The following ZNF148 variants were observed in gnomAD, a reference collection of about 807,000 sequenced individuals.
ZNF148 encodes zinc finger protein 148, also known as Beta-Enolase Repressor Factor-1.
ZNF148 carries 7 observed loss-of-function variants against 67.7 expected under a neutral mutation model. The ratio of observed to expected loss-of-function variants is 0.10; its 90% CI spans 0.06 to 0.19. The LOEUF is 0.19. Among genes scored for constraint, ZNF148 ranks in the 10% least tolerant of loss-of-function variants. The pLI is 1.00. For synonymous variants in ZNF148, 333 were observed against 330.7 expected (o/e 1.01, Z -0.08); for missense variants, 583 against 947.1 (o/e 0.62, Z 5.05).
chr3:125,274,300 C>G (rs1421525263), intron 7 of ZNF148, among the ~76,000 whole-genome samples: 8 of 152,284 alleles, frequency 5.3e-5, no homozygotes, highest in Admixed American at 5.2e-4. Flanking sequence ...ACATCCAAAA[C>G]ATCACCTAAA....
intron 2 of ZNF148, among the ~76,000 whole-genome samples, chr3:125,329,541 A>G (rs1236624295): frequency 1.3e-5 from 2 of 151,506 alleles, no homozygotes; most frequent in Non-Finnish European, 2.9e-5. Flanking sequence ...TATTTTTAGT[A>G]TAGCTGGGGT....
chr3:125,241,217 A>G (rs922220501), intron 7 of ZNF148, among the ~76,000 whole-genome samples: 1 of 152,140 alleles, frequency 6.6e-6, no homozygotes. Context: ...AAGAGTATAC[A>G]GGAAAATGTC....
chr3:125,240,932 T>C (rs907832487), intron 7 of ZNF148, among the ~76,000 whole-genome samples: 1 of 152,176 alleles, frequency 6.6e-6, no homozygotes, highest in Non-Finnish European at 1.5e-5. Context: ...CAAACATAAA[T>C]TCACCTTCCA....
chr3:125,272,096 C>T (rs745578305), intron 7 of ZNF148, among the ~76,000 whole-genome samples: 1 of 152,178 alleles, frequency 6.6e-6, no homozygotes, highest in African/African-American at 2.4e-5. Flanking sequence ...TCCCATGCAA[C>T]ACATGGATTA....
intron 3 of ZNF148, among the ~76,000 whole-genome samples, chr3:125,322,027 CT>C (rs35879999): frequency 3.3e-4 from 27 of 82,922 alleles, no homozygotes; most frequent in East Asian, 7.3e-4. Context: ...TAATCAACGG[CT>C]TTTTTTTTTT....
In ZNF148 at chr3:125,361,575, T is replaced by A. The variant is rs370163530; in HGVS notation, c.-234+13527A>T. Among the ~76,000 whole-genome samples the A allele has an allele frequency of 2.2e-4, 34 of 152,252 alleles. 1 individual carries two copies. Among genetic ancestry groups the A allele is most frequent in the African/African-American group, 7.9e-4 (33 of 41,550 alleles). ...GGCCGGGTGTGGTGGCTCACGTCTG[T>A]AATCCCAACACTTTAGGAGGCCAAA... is the stretch of plus-strand genomic sequence containing the variant. On this transcript the variant is annotated intron_variant, in intron 1 of 8. Transcript: ENST00000360647.
intron 7 of ZNF148, among the ~76,000 whole-genome samples, chr3:125,267,549 C>T (rs1347176920): frequency 6.6e-6 from 1 of 151,536 alleles, no homozygotes; most frequent in Non-Finnish European, 1.5e-5. Flanking sequence ...TAAAAACCCT[C>T]AAAAAACTAG....
At chr3:125,312,180 C>A (rs964259676) in intron 4 of ZNF148, among the ~76,000 whole-genome samples, 1 of 152,076 alleles carries the variant, frequency 6.6e-6, no homozygotes, top group Non-Finnish European at 1.5e-5. Context: ...ATGTAAAAAT[C>A]CTCAAAATAT....
At chr3:125,302,155 T>C (rs1379209830) in intron 4 of ZNF148, among the ~76,000 whole-genome samples, 1 of 151,758 alleles carries the variant, frequency 6.6e-6, no homozygotes, top group Non-Finnish European at 1.5e-5. Context: ...GGTGGGAGGA[T>C]CGCTTGAGCC....
At chr3:125,309,440 A>ATGTCTTTT (rs1365666008) in intron 4 of ZNF148, among the ~76,000 whole-genome samples, 2 of 152,232 alleles carry the variant, frequency 1.3e-5, no homozygotes, top group African/African-American at 4.8e-5. Flanking sequence ...TTTTAAGGTG[A>ATGTCTTTT]AACATGAGTA....
At chr3:125,276,763 C>T (rs1938099674) in intron 7 of ZNF148, among the ~76,000 whole-genome samples, 1 of 151,948 alleles carries the variant, frequency 6.6e-6, no homozygotes, top group South Asian at 2.1e-4. Context: ...GCAGACCAGA[C>T]ACATTCAGGC....
intron 7 of ZNF148, among the ~76,000 whole-genome samples, chr3:125,265,869 CTTTAAT>C (rs1937520079): frequency 6.6e-6 from 1 of 151,990 alleles, no homozygotes; most frequent in South Asian, 2.1e-4. Flanking sequence ...GCACTTGTCT[CTTTAAT>C]TTTAACTAAT....
chr3:125,351,565 A>C (rs1942155489), intron 1 of ZNF148, among the ~76,000 whole-genome samples: 1 of 152,150 alleles, frequency 6.6e-6, no homozygotes, highest in Admixed American at 6.5e-5. Context: ...TTATTACAAT[A>C]AGAAAATTTT....
chr3:125,327,535 T>G (rs1941084236), intron 2 of ZNF148, among the ~76,000 whole-genome samples: 1 of 152,198 alleles, frequency 6.6e-6, no homozygotes, highest in Admixed American at 6.5e-5. Context: ...AAATATGTTG[T>G]CTGAGCCGCA....
At chr3:125,359,968 G>A (rs1228680299) in intron 1 of ZNF148, among the ~76,000 whole-genome samples, 1 of 152,172 alleles carries the variant, frequency 6.6e-6, no homozygotes, top group African/African-American at 2.4e-5. Context: ...TGGCACAACT[G>A]GGCCTGGGCT....
At chr3:125,241,066 T>A (rs1397339636) in intron 7 of ZNF148, among the ~76,000 whole-genome samples, 1 of 152,058 alleles carries the variant, frequency 6.6e-6, no homozygotes, top group African/African-American at 2.4e-5. Flanking sequence ...CTCCCTCCCA[T>A]TCTTATACTC....
At chr3:125,263,814 A>AC (rs35917851) in intron 7 of ZNF148, among the ~76,000 whole-genome samples, 120,073 of 151,980 alleles carry the variant, frequency 0.79, 48,248 homozygotes, top group African/African-American at 0.92. Flanking sequence ...TAATGAGGCG[A>AC]TCTTTCTGGG....
rs115146342 is a variant in ZNF148, at chr3:125,366,037, C to G, written c.-234+9065G>C. 4.5e-3 allele frequency among the ~76,000 whole-genome samples: 682 copies of G among 152,338 alleles called. 4 individuals are homozygous for G. Among genetic ancestry groups the G allele is most frequent in the African/African-American group, 0.015 (638 of 41,570 alleles). On this transcript the variant is annotated intron_variant, in intron 1 of 8. Coordinates refer to ENST00000360647, the MANE Select transcript of ZNF148 (RefSeq NM_021964.3). ...ACTCTACCACCACATTACCCGCAAT[C>G]TACCCAGTAAGGTATAGCTATTGCC...
intron 1 of ZNF148, among the ~76,000 whole-genome samples, chr3:125,360,011 T>C (rs1313659393): frequency 6.6e-6 from 1 of 152,208 alleles, no homozygotes; most frequent in Admixed American, 6.5e-5. Context: ...GGCTCCCTAC[T>C]TCCCAGTTTA....
Sources: gnomAD v4.1 joint callset for allele counts (sites outside exome capture counted in the v4.1 genomes callset) on GRCh38, gnomAD v4.1.1 for gene constraint, MANE v1.5 for transcripts, NCBI Gene and HGNC (gene_info 2026-07-23, HGNC 2026-07-21) for gene names.